SAMD3: variants seen among roughly 807,000 people sequenced by gnomAD.
SAMD3 encodes the protein sterile alpha motif domain containing 3.
SAMD3 carries 63 observed loss-of-function variants against 58.5 expected under a neutral mutation model. That is an observed-to-expected ratio of 1.08 (90% CI 0.88 to 1.33). SAMD3 has a LOEUF of 1.33. Among genes scored for constraint, SAMD3 ranks in the 40% most tolerant of loss-of-function variants. The probability of loss-of-function intolerance (pLI) is 0.00; values close to 1 mark genes in which losing one functional copy is unlikely to be tolerated. For missense variants in SAMD3, 604 were observed against 608.4 expected (o/e 0.99, Z 0.08); for synonymous variants, 220 against 210.3 (o/e 1.05, Z -0.40).
At chr6:130,264,447 T>C (rs1413944802) in intron 2 of SAMD3, among the ~76,000 whole-genome samples, 5 of 152,208 alleles carry the variant, frequency 3.3e-5, no homozygotes, top group African/African-American at 1.2e-4. Flanking sequence ...TGTGTGGTGG[T>C]ATTGTGGTGG....
chr6:130,262,350 C>A (rs555321958), intron 2 of SAMD3, among the ~76,000 whole-genome samples: 1 of 151,188 alleles, frequency 6.6e-6, no homozygotes, highest in East Asian at 1.9e-4. Flanking sequence ...TGTGAGCACA[C>A]CTCACTAGTT....
In SAMD3 at chr6:130,254,351, C is replaced by T. The variant is rs74741580; in HGVS notation, c.-187-31538G>A. On this transcript the variant is annotated intron_variant, in intron 2 of 13. Transcript: ENST00000368134. ...TGGGATTACAGGTGCCCTGCCACCA[C>T]ACCTGGCTAATCTTTTGTATGTTTG... Among the ~76,000 whole-genome samples the T allele has an allele frequency of 4.6e-5, 7 of 152,042 alleles. No individual in the cohort carries two copies. In the East Asian group the frequency reaches 1.2e-3, roughly 25 times the overall value.
At chr6:130,303,376 A>G (rs189891237) in intron 2 of SAMD3, among the ~76,000 whole-genome samples, 49 of 152,300 alleles carry the variant, frequency 3.2e-4, no homozygotes, top group Non-Finnish European at 6.3e-4. Context: ...TAAAGCAGCT[A>G]GTGTCTATTG....
At chr6:130,247,075 C>A (rs1020706426) in intron 2 of SAMD3, among the ~76,000 whole-genome samples, 1 of 151,988 alleles carries the variant, frequency 6.6e-6, no homozygotes, top group Admixed American at 6.6e-5. Flanking sequence ...CTGTCTAGAG[C>A]AAGAAGTGAA....
rs570557277 is a variant in SAMD3 at position 130,261,945 on chromosome 6, C to CAG, written c.-187-39134_-187-39133dup. ...GCATTATAAGCCAGGCAGAGAGAGA[C>CAG]AGAGAGAGAGACAGAGAGGAGAAAG... On this transcript the variant is annotated intron_variant, in intron 2 of 13. Coordinates refer to the SAMD3 transcript ENST00000368134. Among the ~76,000 whole-genome samples, 170 of 150,438 alleles carry CAG rather than the reference C, an allele frequency of 1.1e-3. 1 individual carries two copies. The highest frequency in any genetic ancestry group is 3.7e-3 in the African/African-American group (150 of 40,646).
upstream of SAMD3, among the ~76,000 whole-genome samples, chr6:130,224,319 G>A (rs9385537): frequency 9.2e-5 from 14 of 152,142 alleles, no homozygotes; most frequent in East Asian, 1.2e-3. Flanking sequence ...ACATTTGGGC[G>A]TGAAAACAGG....
chr6:130,302,331 T>C (rs564176197), intron 2 of SAMD3, among the ~76,000 whole-genome samples: 1 of 152,138 alleles, frequency 6.6e-6, no homozygotes. Context: ...GAAAAAATGC[T>C]CATCAACACT....
At chr6:130,170,540 T>C (rs1271948431) in intron 8 of SAMD3, among the ~76,000 whole-genome samples, 1 of 152,200 alleles carries the variant, frequency 6.6e-6, no homozygotes, top group Admixed American at 6.5e-5. Context: ...CTTTAGGCAG[T>C]ATGGCCATTT....
intron 2 of SAMD3, among the ~76,000 whole-genome samples, chr6:130,238,622 C>T (rs1476411442): frequency 2.0e-5 from 3 of 151,946 alleles, no homozygotes; most frequent in Admixed American, 6.6e-5. Context: ...GGAAAGAATA[C>T]GAGCAAGAGG....
At chr6:130,343,007 A>G (rs865821244) in intron 1 of SAMD3, among the ~76,000 whole-genome samples, 1 of 152,022 alleles carries the variant, frequency 6.6e-6, no homozygotes, top group Non-Finnish European at 1.5e-5. Context: ...AATTTCTGAA[A>G]GTAGACAACT....
chr6:130,221,132 G>C (rs188575469), intron 1 of SAMD3, among the ~76,000 whole-genome samples: 1 of 152,176 alleles, frequency 6.6e-6, no homozygotes, highest in South Asian at 2.1e-4. Context: ...GGGATTACAG[G>C]CATGAGCCAC....
At chr6:130,168,994 G>T (rs1312932807) in intron 8 of SAMD3, among the ~76,000 whole-genome samples, 2 of 151,946 alleles carry the variant, frequency 1.3e-5, no homozygotes, top group African/African-American at 4.8e-5. Context: ...TTTGTAAAGA[G>T]GGGGTCTCAC....
intron 9 of SAMD3, among the ~76,000 whole-genome samples, chr6:130,146,907 G>A (rs1225585888): frequency 1.3e-5 from 2 of 152,084 alleles, no homozygotes; most frequent in East Asian, 1.9e-4. Flanking sequence ...CGGGGAGATC[G>A]AGACTGCAGT....
chr6:130,219,576 C>T (rs1796136484), intron 1 of SAMD3, among the ~76,000 whole-genome samples: 1 of 152,192 alleles, frequency 6.6e-6, no homozygotes, highest in African/African-American at 2.4e-5. Flanking sequence ...TGAATGAGAA[C>T]ATATGATATT....
chr6:130,199,895 T>A (rs1794482888), intron 5 of SAMD3, among the ~76,000 whole-genome samples: 1 of 152,164 alleles, frequency 6.6e-6, no homozygotes, highest in Non-Finnish European at 1.5e-5. Flanking sequence ...TGGCAATAAA[T>A]TTATGAGATT....
chr6:130,169,019 T>C (rs1306689373), intron 8 of SAMD3, among the ~76,000 whole-genome samples: 1 of 152,112 alleles, frequency 6.6e-6, no homozygotes, highest in Non-Finnish European at 1.5e-5. Flanking sequence ...TTGCCCAGGC[T>C]GGTTTCAATA....
chr6:130,339,914 C>T (rs1370037290), intron 1 of SAMD3, among the ~76,000 whole-genome samples: 1 of 152,088 alleles, frequency 6.6e-6, no homozygotes, highest in Non-Finnish European at 1.5e-5. Flanking sequence ...ATTTCCAAGT[C>T]TATTTCTCTC....
rs139730101 is a variant in SAMD3 at position 130,184,348 on chromosome 6, A to T, written c.569+90T>A. 258 of 1,323,692 alleles carry T rather than the reference A, an allele frequency of 1.9e-4. No homozygotes were observed. In the African/African-American group the frequency reaches 3.5e-3, roughly 18 times the overall value. 82.0% of individuals were successfully genotyped at this position (1,323,692 alleles called of 1,614,324 possible). On this transcript the variant is annotated intron_variant, in intron 6 of 11. Coordinates refer to ENST00000439090, the MANE Select transcript of SAMD3 (RefSeq NM_001017373.4). ...GACCTATTACCAATATATCATCCAC[A>T]ATCTGAAGAGAGTTGATTCCACAGG...
chr6:130,281,532 G>A (rs1218292755), intron 2 of SAMD3, among the ~76,000 whole-genome samples: 1 of 151,972 alleles, frequency 6.6e-6, no homozygotes, highest in Non-Finnish European at 1.5e-5. Context: ...TCTCTCTATA[G>A]AGGAAATCTA....
Sources: gnomAD v4.1 joint callset for allele counts (sites outside exome capture counted in the v4.1 genomes callset) on GRCh38, gnomAD v4.1.1 for gene constraint, MANE v1.5 for transcripts, NCBI Gene and HGNC (gene_info 2026-07-23, HGNC 2026-07-21) for gene names.